The following ZNF610 variants were observed in gnomAD, a reference collection of about 807,000 sequenced individuals.
ZNF610 encodes zink finger protein.
A neutral mutation model predicts 14.1 loss-of-function variants in ZNF610; 14 were observed. The observed-to-expected ratio is 0.99, with a 90% CI of 0.65 to 1.55. ZNF610 has a LOEUF of 1.55. Among genes scored for constraint, ZNF610 ranks in the 40% most tolerant of loss-of-function variants. The probability of loss-of-function intolerance (pLI) is 0.00; values close to 1 mark genes in which losing one functional copy is unlikely to be tolerated. For missense variants in ZNF610, 530 were observed against 558.0 expected (o/e 0.95, Z 0.51); for synonymous variants, 185 against 187.6 (o/e 0.99, Z 0.11).
the ZNF610 span, among the ~76,000 whole-genome samples, chr19:52,330,707 A>G: frequency 6.6e-6 from 1 of 152,086 alleles, no homozygotes; most frequent in Non-Finnish European, 1.5e-5. Flanking sequence ...ACTCTCAGCA[A>G]ATTGTACACC....
chr19:52,338,215 A>G (rs1002080808), intron 1 of ZNF610, among the ~76,000 whole-genome samples: 3 of 152,232 alleles, frequency 2.0e-5, no homozygotes, highest in African/African-American at 7.2e-5. Context: ...TGACCAACCA[A>G]CTATGAACCG....
At chr19:52,362,916 A>AT (rs1985850694) in intron 5 of ZNF610, among the ~76,000 whole-genome samples, 1 of 152,122 alleles carries the variant, frequency 6.6e-6, no homozygotes, top group Non-Finnish European at 1.5e-5. Flanking sequence ...TGTCATATCT[A>AT]ATGAGGCTAT....
In ZNF610 at chr19:52,366,321, C is replaced by A. The variant is rs751177289; in HGVS notation, c.943C>A (p.Pro315Thr). Reference protein sequence around the residue: ...THLVIHTGEKPYKCNECGKNF... With the variant: ...THLVIHTGEKTYKCNECGKNF... The stretch of plus-strand genomic sequence containing the variant: ...TCTTGTAATCCATACTGGAGAGAAA[C>A]CTTACAAATGTAATGAGTGTGGCAA... The change falls in exon 6 of 6, where the codon CCT (proline) becomes ACT (threonine). Residue 315 changes from proline (P) to threonine (T), a missense_variant. Transcript: ENST00000403906. The A allele has an allele frequency of 6.2e-7, 1 of 1,614,124 alleles. No individual in the cohort carries two copies.
upstream of ZNF610, among the ~76,000 whole-genome samples, chr19:52,331,622 TG>T (rs536247108): frequency 9.1e-4 from 139 of 152,310 alleles, 1 homozygote; most frequent in African/African-American, 2.4e-3. Flanking sequence ...AAAGGTTTGC[TG>T]AGGGACATGT....
intron 5 of ZNF610, among the ~76,000 whole-genome samples, chr19:52,355,468 C>G (rs1396618794): frequency 6.6e-6 from 1 of 152,238 alleles, no homozygotes; most frequent in South Asian, 2.1e-4. Context: ...CATTTCACTT[C>G]TGGTCACCAA....
chr19:52,337,421 G>A lies in ZNF610; in HGVS notation c.-258+915G>A, dbSNP rs138513257. On this transcript the variant is annotated intron_variant, in intron 1 of 5. Coordinates refer to ENST00000403906, the MANE Select transcript of ZNF610 (RefSeq NM_001161425.2). ...GCAAGAAACAGGCAGAATGGAAATT[G>A]GGGACAATCAAAAATTGGACACAAA... Among the ~76,000 whole-genome samples the A allele has an allele frequency of 1.1e-3, 162 of 152,070 alleles. 2 individuals are homozygous for A. Among genetic ancestry groups the A allele is most frequent in the African/African-American group, 3.8e-3 (156 of 41,454 alleles).
At chr19:52,339,264 T>G (rs755982774) in intron 1 of ZNF610, among the ~76,000 whole-genome samples, 5 of 151,862 alleles carry the variant, frequency 3.3e-5, no homozygotes, top group Non-Finnish European at 7.4e-5. Flanking sequence ...CCTCTTATCT[T>G]AACTGCAAAG....
At chr19:52,352,734 C>G (rs1985319018) in intron 3 of ZNF610, among the ~76,000 whole-genome samples, 2 of 152,080 alleles carry the variant, frequency 1.3e-5, no homozygotes, top group South Asian at 2.1e-4. Context: ...TTGGCTGCAG[C>G]ACAGACCAGT....
At chr19:52,337,356 AT>A (rs1403247720) in intron 1 of ZNF610, among the ~76,000 whole-genome samples, 1 of 152,130 alleles carries the variant, frequency 6.6e-6, no homozygotes, top group African/African-American at 2.4e-5. Flanking sequence ...GGAAGAGGAA[AT>A]TTAACAGGGA....
chr19:52,354,495 C>T lies in ZNF610; in HGVS notation c.319+116C>T, dbSNP rs1229272900. On this transcript the variant is annotated intron_variant, in intron 5 of 5. Transcript: ENST00000403906. The stretch of plus-strand genomic sequence containing the variant: ...AGTGGCAATCATAGCTCACTGCAGC[C>T]TCAAACTCCTGGACTCAAGCAATCC... 2.5e-6 allele frequency: 3 copies of T among 1,195,040 alleles called. No individual in the cohort carries two copies. In the East Asian group the frequency reaches 7.7e-5, roughly 31 times the overall value. 74.0% of individuals were successfully genotyped at this position (1,195,040 alleles called of 1,614,324 possible). A position where few individuals can be genotyped will look rare whatever the true frequency, so the allele number is the denominator to read the frequency against.
Position 52,353,681 on chromosome 19 carries a change from G to C in ZNF610, c.64-1G>C. 1 of 1,613,450 alleles carries C rather than the reference G, an allele frequency of 6.2e-7. No individual in the cohort carries two copies. Among genetic ancestry groups the C allele is most frequent in the Non-Finnish European group, 8.5e-7 (1 of 1,179,690 alleles). The stretch of plus-strand genomic sequence containing the variant: ...TGTAAACAATGTGGTCCTCATTTTA[G>C]GGACGCTTGACATTCATGGACGTGG... On this transcript the variant is annotated splice_acceptor_variant, in intron 3 of 5. Transcript: ENST00000403906. LOFTEE classifies it high-confidence loss of function.
At chr19:52,359,714 C>T (rs113362335) in intron 5 of ZNF610, among the ~76,000 whole-genome samples, 11 of 152,130 alleles carry the variant, frequency 7.2e-5, no homozygotes, top group African/African-American at 2.7e-4. Flanking sequence ...CGGACAAGAG[C>T]TGGGTTTCCT....
chr19:52,362,727 A>T (rs376369079), intron 5 of ZNF610, among the ~76,000 whole-genome samples: 2 of 152,004 alleles, frequency 1.3e-5, no homozygotes, highest in East Asian at 3.9e-4. Context: ...TGGGTTTTAC[A>T]TTTCTTTCTG....
intron 5 of ZNF610, among the ~76,000 whole-genome samples, chr19:52,358,384 A>G (rs1985630671): frequency 6.6e-6 from 1 of 152,076 alleles, no homozygotes; most frequent in South Asian, 2.1e-4. Context: ...AGGTTTTACC[A>G]TGTTCACCAG....
In ZNF610 at chr19:52,346,250, T is replaced by G. The variant is rs573850797; in HGVS notation, c.-257-1457T>G. On this transcript the variant is annotated intron_variant, in intron 1 of 5. Coordinates refer to ENST00000403906, the MANE Select transcript of ZNF610 (RefSeq NM_001161425.2). ...CCCAGGCTCAGCTCACTGCAACGTC[T>G]GCCTTCCGGGTTCCAGCGATTCTCC... Among the ~76,000 whole-genome samples, 19 of 151,270 alleles carry G rather than the reference T, an allele frequency of 1.3e-4. 3 individuals carry two copies. Among genetic ancestry groups the G allele is most frequent in the African/African-American group, 3.9e-4 (16 of 40,670 alleles).
Sources: gnomAD v4.1 joint callset for allele counts (sites outside exome capture counted in the v4.1 genomes callset) on GRCh38, gnomAD v4.1.1 for gene constraint, MANE v1.5 for transcripts, NCBI Gene and HGNC (gene_info 2026-07-23, HGNC 2026-07-21) for gene names.